Variants in PTK2B observed in about 807,000 individuals in gnomAD.
The protein encoded by PTK2B is protein-tyrosine kinase 2-beta.
A neutral mutation model predicts 142.9 loss-of-function variants in PTK2B; 71 were observed. The ratio of observed to expected loss-of-function variants is 0.50; its 90% CI spans 0.41 to 0.61. PTK2B has a LOEUF of 0.61. PTK2B is among the 20% of genes least tolerant of loss of function. The pLI is 0.00. For missense variants in PTK2B, 1,105 were observed against 1,320.4 expected, an observed-to-expected ratio of 0.84 and a Z score of 2.53; for synonymous variants, 519 against 503.4, an observed-to-expected ratio of 1.03 and a Z score of -0.42.
At chr8:27,415,077 T>C (rs1809318068) in intron 2 of PTK2B, among the ~76,000 whole-genome samples, 1 of 152,190 alleles carries the variant, frequency 6.6e-6, no homozygotes, top group African/African-American at 2.4e-5. Flanking sequence ...TGGGGGGCTG[T>C]TTTTTTGTTT....
At chr8:27,407,359 C>G (rs1465389888) in intron 2 of PTK2B, among the ~76,000 whole-genome samples, 1 of 152,070 alleles carries the variant, frequency 6.6e-6, no homozygotes, top group Non-Finnish European at 1.5e-5. Context: ...AACATAAAAC[C>G]CTTCATGATT....
intron 17 of PTK2B, 41 bp downstream of exon 17, chr8:27,437,537 TG>T: frequency 1.3e-6 from 2 of 1,489,732 alleles, no homozygotes; most frequent in Non-Finnish European, 1.8e-6. Flanking sequence ...GGCTGCAGCA[TG>T]GGGGGCATTC....
intron 5 of PTK2B, among the ~76,000 whole-genome samples, chr8:27,423,327 C>T (rs890625994): frequency 6.6e-6 from 1 of 152,082 alleles, no homozygotes; most frequent in Non-Finnish European, 1.5e-5. Context: ...GCCTTTTCAC[C>T]CTCTCCTTCC....
chr8:27,324,925 C>T (rs1803324784), upstream of PTK2B, among the ~76,000 whole-genome samples: 2 of 152,170 alleles, frequency 1.3e-5, no homozygotes, highest in Non-Finnish European at 2.9e-5. Flanking sequence ...AGCCTCTGGG[C>T]GGGGCCCCTG....
Position 27,422,291 on chromosome 8 carries a change from T to C in PTK2B, c.472-13T>C. Reference sequence around the variant, plus strand: ...AGGGTGCAAGCCTGATGCTTGACCTTTCTCCCCACCAGCTCCGGAACGACT... The same window carrying C: ...AGGGTGCAAGCCTGATGCTTGACCTCTCTCCCCACCAGCTCCGGAACGACT... On this transcript the variant is annotated splice_polypyrimidine_tract_variant and intron_variant, in intron 4 of 30. Coordinates refer to ENST00000346049, the MANE Select transcript of PTK2B (RefSeq NM_173176.3). The C allele has an allele frequency of 6.2e-7, 1 of 1,611,968 alleles. No homozygotes were observed.
In PTK2B at chr8:27,458,787, C is replaced by T; in HGVS notation, c.*278C>T. The T allele has an allele frequency of 1.9e-6, 1 of 526,748 alleles. No homozygotes were observed. Among genetic ancestry groups the T allele is most frequent in the East Asian group, 3.3e-5 (1 of 30,480 alleles). The allele number at this position is 526,748 out of a possible 1,614,324, so 32.6% of individuals were successfully genotyped here. A position where few individuals can be genotyped will look rare whatever the true frequency, so the allele number is the denominator to read the frequency against. On this transcript the variant is annotated 3_prime_UTR_variant, in exon 31 of 31. Transcript: ENST00000346049. ...CCTGGCCACTGCTCCCTAAGCCAGC[C>T]TGGTCCATGCAGGGGGCTCCTGGGG...
upstream of PTK2B, chr8:27,311,024 G>A (rs756785477): frequency 6.2e-6 from 10 of 1,609,050 alleles, no homozygotes; most frequent in Admixed American, 1.7e-5. Context: ...GGTGTGGTTG[G>A]TGCGCAGGTC....
intron 2 of PTK2B, among the ~76,000 whole-genome samples, chr8:27,414,110 C>T (rs1809233213): frequency 6.6e-6 from 1 of 152,170 alleles, no homozygotes; most frequent in Non-Finnish European, 1.5e-5. Flanking sequence ...AATAACGTTC[C>T]AGGCACATCT....
intron 5 of PTK2B, among the ~76,000 whole-genome samples, chr8:27,426,572 A>G (rs1217550258): frequency 6.6e-6 from 1 of 151,964 alleles, no homozygotes; most frequent in Non-Finnish European, 1.5e-5. Context: ...CATTCCCAAG[A>G]TGTTCAGTTG....
upstream of PTK2B, chr8:27,310,673 T>C: frequency 1.8e-6 from 2 of 1,082,668 alleles, no homozygotes; most frequent in Non-Finnish European, 2.6e-6. Context: ...AGAGGTGGGG[T>C]CCTGCATGCT....
At chr8:27,413,972 A>C (rs1343880200) in intron 2 of PTK2B, among the ~76,000 whole-genome samples, 1 of 152,196 alleles carries the variant, frequency 6.6e-6, no homozygotes. Context: ...GATGTAACTC[A>C]TTCCTATCAT....
Position 27,433,526 on chromosome 8 carries a change from GCTCT to G in PTK2B, c.1083_1086del (p.Leu362SerfsTer20). The G allele has an allele frequency of 6.2e-7, 1 of 1,614,058 alleles. No homozygotes were observed. Among genetic ancestry groups the G allele is most frequent in the Non-Finnish European group, 8.5e-7 (1 of 1,179,882 alleles). On this transcript the variant is annotated frameshift_variant, in exon 11 of 31. Coordinates refer to ENST00000346049, the MANE Select transcript of PTK2B (RefSeq NM_173176.3). LOFTEE classifies it high-confidence loss of function. Reference sequence around the variant, plus strand: ...TGCCGGCTGCAGGGTGAGCACCAAGGCTCTCTCATCATCCATCCTAGGAAAGGTG... The same window carrying G: ...TGCCGGCTGCAGGGTGAGCACCAAGGCTCATCATCCATCCTAGGAAAGGTG...
chr8:27,315,362 C>T (rs1056144887), intron 3 of PTK2B, among the ~76,000 whole-genome samples: 1 of 152,162 alleles, frequency 6.6e-6, no homozygotes. Flanking sequence ...ATCTATTCAC[C>T]CAACAAGTTG....
At chr8:27,380,003 A>G (rs1339003398) in intron 1 of PTK2B, among the ~76,000 whole-genome samples, 1 of 152,112 alleles carries the variant, frequency 6.6e-6, no homozygotes, top group African/African-American at 2.4e-5. Flanking sequence ...TGGCATCCCA[A>G]AGTGCTGGGA....
intron 1 of PTK2B, among the ~76,000 whole-genome samples, chr8:27,336,138 A>T (rs182727526): frequency 6.6e-6 from 1 of 152,164 alleles, no homozygotes; most frequent in Admixed American, 6.5e-5. Context: ...AGGTTTATGT[A>T]TGTGTGAGTG....
intron 1 of PTK2B, among the ~76,000 whole-genome samples, chr8:27,348,029 G>A (rs571524183): frequency 2.2e-3 from 329 of 152,308 alleles, no homozygotes; most frequent in African/African-American, 7.6e-3. Flanking sequence ...CTAGCAATGT[G>A]GACCTGGAGA....
rs1166221145 is a variant in PTK2B at position 27,430,491 on chromosome 8, C to T, written c.669+73C>T. ...TAGAGTGTAAGGGATGAGGCTGGGG[C>T]TGGGGATACTCAGAGAAGCCAGGGT... is the stretch of plus-strand genomic sequence containing the variant. On this transcript the variant is annotated intron_variant, in intron 7 of 30. Transcript: ENST00000346049. The T allele has an allele frequency of 7.1e-5, 113 of 1,580,422 alleles. 3 individuals carry two copies. In the South Asian group the frequency reaches 1.1e-3, roughly 16 times the overall value.
rs367569306 is a variant in PTK2B at position 27,437,897 on chromosome 8, T to A, written c.1643+17T>A. ...CGTGCACAGGTAGGGGTGGAGGGAG[T>A]GGCCAGCGGTATGGAAGCCAGGCCT... is the stretch of plus-strand genomic sequence containing the variant. On this transcript the variant is annotated intron_variant, in intron 18 of 30. Coordinates refer to ENST00000346049, the MANE Select transcript of PTK2B (RefSeq NM_173176.3). The A allele has an allele frequency of 2.2e-5, 35 of 1,591,946 alleles. No homozygotes were observed. The African/African-American group carries it at 3.8e-4, about 17-fold the overall frequency.
At position 27,397,601 on chromosome 8, in the gene PTK2B, A is replaced by G. The variant is rs1276190328; in HGVS notation, c.17A>G (p.Glu6Gly). The G allele has an allele frequency of 6.2e-7, 1 of 1,613,898 alleles. No homozygotes were observed. Among genetic ancestry groups the G allele is most frequent in the Non-Finnish European group, 8.5e-7 (1 of 1,180,030 alleles). Residue 6 changes from glutamate to glycine, a missense_variant, in exon 2 of 31, where the codon GAG becomes GGG. Glu to Gly is a moderately conservative substitution (Grantham distance 98). Transcript: ENST00000346049. MSGVS[E>G]PLSRVKLGTL... ...CCTGAGAGGATGTCTGGGGTGTCCG[A>G]GCCCCTGAGTCGAGTAAAGTTGGGC...
Sources: gnomAD v4.1 joint callset for allele counts (sites outside exome capture counted in the v4.1 genomes callset) on GRCh38, gnomAD v4.1.1 for gene constraint, MANE v1.5 for transcripts, NCBI Gene and HGNC (gene_info 2026-07-23, HGNC 2026-07-21) for gene names.